Variants in SV2C observed in about 807,000 individuals in gnomAD.
The protein encoded by SV2C is synaptic vesicle glycoprotein 2C.
SV2C carries 49 observed loss-of-function variants against 79.7 expected under a neutral mutation model. That is an observed-to-expected ratio of 0.61 (90% CI 0.49 to 0.78). The LOEUF is 0.78. Ranked by LOEUF, SV2C falls within the 30% of genes least tolerant of loss-of-function variation. The probability of loss-of-function intolerance (pLI) is 0.00; values close to 1 mark genes in which losing one functional copy is unlikely to be tolerated. For missense variants in SV2C, 833 were observed against 912.9 expected, an observed-to-expected ratio of 0.91 and a Z score of 1.13; for synonymous variants, 334 against 333.2, an observed-to-expected ratio of 1.00 and a Z score of -0.03.
chr5:76,293,671 A>G (rs1747636723), intron 8 of SV2C, among the ~76,000 whole-genome samples: 1 of 152,182 alleles, frequency 6.6e-6, no homozygotes. Flanking sequence ...CACAGACATT[A>G]CTATGAAGAA....
At chr5:76,064,818 C>A in the SV2C span, among the ~76,000 whole-genome samples, 9 of 152,092 alleles carry the variant, frequency 5.9e-5, no homozygotes, top group African/African-American at 1.9e-4. Context: ...ATATTAACTG[C>A]TAATATTTTT....
At chr5:76,229,841 T>G (rs1272773567) in intron 4 of SV2C, among the ~76,000 whole-genome samples, 1 of 152,240 alleles carries the variant, frequency 6.6e-6, no homozygotes, top group Non-Finnish European at 1.5e-5. Context: ...ACTAAAATTC[T>G]GAAGTACATG....
chr5:75,903,887 C>T, the SV2C span, among the ~76,000 whole-genome samples: 12 of 152,110 alleles, frequency 7.9e-5, no homozygotes, highest in African/African-American at 2.2e-4. Flanking sequence ...ACTTTATCTT[C>T]GGAATTCTGT....
intron 2 of SV2C, among the ~76,000 whole-genome samples, chr5:76,177,230 C>CTA (rs148823278): frequency 0.61 from 87,266 of 142,970 alleles, 25,966 homozygotes; most frequent in East Asian, 0.75. Context: ...ATATATTAAT[C>CTA]TGTATATATG....
chr5:76,111,918 C>T (rs926556788), intron 1 of SV2C, among the ~76,000 whole-genome samples: 3 of 152,196 alleles, frequency 2.0e-5, no homozygotes, highest in African/African-American at 7.2e-5. Flanking sequence ...AAAGTGCTTT[C>T]AGGTCAGATA....
At chr5:76,207,914 G>C (rs1005083123) in intron 3 of SV2C, among the ~76,000 whole-genome samples, 1 of 152,246 alleles carries the variant, frequency 6.6e-6, no homozygotes, top group East Asian at 1.9e-4. Context: ...GCCCAGGCAA[G>C]AGAATTGTAT....
chr5:76,035,403 C>T, the SV2C span, among the ~76,000 whole-genome samples: 6 of 151,956 alleles, frequency 3.9e-5, no homozygotes, highest in African/African-American at 9.7e-5. Flanking sequence ...GTAAATTTCC[C>T]TCTACACACT....
the SV2C span, among the ~76,000 whole-genome samples, chr5:75,953,510 A>C: frequency 2.6e-5 from 4 of 152,026 alleles, no homozygotes; most frequent in Non-Finnish European, 5.9e-5. Context: ...AATTTATAAT[A>C]AAGTCCTTCA....
At chr5:76,095,448 G>C (rs1747524416) in intron 1 of SV2C, among the ~76,000 whole-genome samples, 1 of 152,020 alleles carries the variant, frequency 6.6e-6, no homozygotes, top group African/African-American at 2.4e-5. Context: ...ATTTTATCTG[G>C]ATTGTCAAAC....
chr5:76,168,258 C>A (rs569478390), intron 2 of SV2C, among the ~76,000 whole-genome samples: 2 of 152,240 alleles, frequency 1.3e-5, no homozygotes, highest in East Asian at 3.9e-4. Context: ...GCCAGTGCAG[C>A]CTTCACTGGC....
intron 2 of SV2C, among the ~76,000 whole-genome samples, chr5:76,162,836 G>C (rs532665450): frequency 2.0e-5 from 3 of 152,234 alleles, no homozygotes; most frequent in South Asian, 2.1e-4. Flanking sequence ...CTGAGAGCAG[G>C]GTTTTCCAAA....
At chr5:75,923,622 C>T in the SV2C span, among the ~76,000 whole-genome samples, 3 of 152,006 alleles carry the variant, frequency 2.0e-5, no homozygotes, top group Non-Finnish European at 2.9e-5. Context: ...AGACAATTCT[C>T]AAAAGAAGAT....
the SV2C span, among the ~76,000 whole-genome samples, chr5:75,851,348 A>G: frequency 1.3e-5 from 2 of 152,198 alleles, no homozygotes. Context: ...TACAGAGTTC[A>G]ATTTTTGAGT....
At chr5:75,984,832 C>G in the SV2C span, among the ~76,000 whole-genome samples, 3 of 152,030 alleles carry the variant, frequency 2.0e-5, no homozygotes, top group Non-Finnish European at 2.9e-5. Context: ...TAATTCTTCT[C>G]TGCAGGTTTT....
At chr5:76,271,363 T>C (rs774539020) in intron 4 of SV2C, among the ~76,000 whole-genome samples, 2 of 152,146 alleles carry the variant, frequency 1.3e-5, no homozygotes, top group East Asian at 1.9e-4. Context: ...GGCTATGTTA[T>C]TGGGACTACC....
the SV2C span, among the ~76,000 whole-genome samples, chr5:75,892,111 T>G: frequency 6.6e-6 from 1 of 152,108 alleles, no homozygotes; most frequent in Admixed American, 6.6e-5. Flanking sequence ...CAGAATTGAT[T>G]TTGGCATTGC....
At chr5:76,069,969 T>C in the SV2C span, among the ~76,000 whole-genome samples, 1 of 152,146 alleles carries the variant, frequency 6.6e-6, no homozygotes, top group Non-Finnish European at 1.5e-5. Context: ...TCCAGGTCTG[T>C]GCAGCCCCTT....
the SV2C span, among the ~76,000 whole-genome samples, chr5:76,018,500 T>A: frequency 6.6e-6 from 1 of 152,202 alleles, no homozygotes; most frequent in Non-Finnish European, 1.5e-5. Flanking sequence ...AAAAGGTGTT[T>A]TATAATGACA....
chr5:76,232,740 G>A lies in SV2C; in HGVS notation c.913+22853G>A, dbSNP rs539560279. Among the ~76,000 whole-genome samples, 3 of 141,090 alleles carry A rather than the reference G, an allele frequency of 2.1e-5. No individual in the cohort carries two copies. In the East Asian group the frequency reaches 5.9e-4, roughly 28 times the overall value. 92.6% of individuals were successfully genotyped at this position (141,090 alleles called of 152,430 possible). On this transcript the variant is annotated intron_variant, in intron 4 of 12. Coordinates refer to ENST00000502798, the MANE Select transcript of SV2C (RefSeq NM_014979.4). ...TTTTTCTCAGGTTTGTCAAAGATCAGATAGTTGTAGATATGCGGCATTATT... is the reference window on the plus strand; with the variant it reads ...TTTTTCTCAGGTTTGTCAAAGATCAAATAGTTGTAGATATGCGGCATTATT...
Sources: allele counts gnomAD v4.1 joint callset (sites outside exome capture counted in the v4.1 genomes callset), GRCh38; gene constraint gnomAD v4.1.1; transcripts MANE v1.5; gene names NCBI Gene and HGNC (gene_info 2026-07-23, HGNC 2026-07-21).